EVA1A: variants seen among roughly 807,000 people sequenced by gnomAD.
EVA1A encodes eva-1 homolog A, regulator of programmed cell death, also known as protein eva-1 homolog A.
EVA1A carries 7 observed loss-of-function variants against 9.8 expected under a neutral mutation model. The ratio of observed to expected loss-of-function variants is 0.71; its 90% CI spans 0.41 to 1.34. The LOEUF is 1.34. EVA1A is among the 40% of genes most tolerant of loss of function. The pLI is 0.01. For synonymous variants in EVA1A, 90 were observed against 85.6 expected (o/e 1.05, Z -0.28); for missense variants, 206 against 205.9 (o/e 1.00, Z 0.00).
chr2:75,517,943 T>G, intron 3 of EVA1A, 113 bp downstream of exon 3: 1 of 1,239,580 alleles, frequency 8.1e-7, no homozygotes, highest in Non-Finnish European at 1.2e-6. Context: ...AGCAGTAGCT[T>G]TGATTACGTA....
intron 1 of EVA1A, among the ~76,000 whole-genome samples, chr2:75,547,318 G>A (rs1676372160): frequency 6.6e-6 from 1 of 152,184 alleles, no homozygotes; most frequent in Non-Finnish European, 1.5e-5. Context: ...GAATGGTACA[G>A]GCTTTGACAC....
At chr2:75,566,216 G>A (rs1055965279) in intron 1 of EVA1A, among the ~76,000 whole-genome samples, 3 of 152,166 alleles carry the variant, frequency 2.0e-5, no homozygotes, top group African/African-American at 7.2e-5. Context: ...CTTATTTATA[G>A]TCCAACCTTT....
upstream of EVA1A, among the ~76,000 whole-genome samples, chr2:75,564,479 C>T (rs541276131): frequency 6.6e-6 from 1 of 152,286 alleles, no homozygotes; most frequent in African/African-American, 2.4e-5. Context: ...GCTCCCATGG[C>T]GCTGGTGGTC....
chr2:75,505,068 T>C (rs547999654), intron 3 of EVA1A, among the ~76,000 whole-genome samples: 7 of 152,292 alleles, frequency 4.6e-5, no homozygotes, highest in African/African-American at 1.7e-4. Context: ...CTGGCTCACT[T>C]TTCTTCCCCT....
intron 3 of EVA1A, among the ~76,000 whole-genome samples, chr2:75,516,144 C>T (rs1233950121): frequency 6.6e-6 from 1 of 152,210 alleles, no homozygotes; most frequent in East Asian, 1.9e-4. Flanking sequence ...AGGACATTTT[C>T]CACAATTTTC....
chr2:75,527,811 T>C (rs1675504630), intron 1 of EVA1A, among the ~76,000 whole-genome samples: 1 of 152,126 alleles, frequency 6.6e-6, no homozygotes, highest in South Asian at 2.1e-4. Context: ...GAAATTTTGC[T>C]CCAAGAACCA....
chr2:75,535,562 G>T (rs916902976), intron 1 of EVA1A, among the ~76,000 whole-genome samples: 4 of 152,152 alleles, frequency 2.6e-5, no homozygotes, highest in Non-Finnish European at 4.4e-5. Flanking sequence ...AATGAATAAA[G>T]AAAATGTGAT....
rs541093312 is a variant in EVA1A at position 75,560,093 on chromosome 2, G to T, written c.-192+587C>A. Among the ~76,000 whole-genome samples the T allele has an allele frequency of 6.1e-3, 933 of 152,250 alleles. 11 individuals are homozygous for T. The highest frequency in any genetic ancestry group is 0.027 in the South Asian group (132 of 4,812). On this transcript the variant is annotated intron_variant, in intron 1 of 3. Transcript: ENST00000393913. ...GCAGACCTCCCAGATAGAGCAGCGT[G>T]GACTGTCTGCGCGCCCCTCTCCAAA... is the stretch of plus-strand genomic sequence containing the variant.
At chr2:75,553,867 C>G (rs1676610525) in intron 1 of EVA1A, among the ~76,000 whole-genome samples, 1 of 152,202 alleles carries the variant, frequency 6.6e-6, no homozygotes, top group Non-Finnish European at 1.5e-5. Flanking sequence ...TGACTCTCCT[C>G]CAGTGCTCAT....
At chr2:75,499,819 T>G (rs896767356) in intron 3 of EVA1A, among the ~76,000 whole-genome samples, 2 of 152,260 alleles carry the variant, frequency 1.3e-5, no homozygotes, top group Admixed American at 1.3e-4. Flanking sequence ...TCCCTGTTGG[T>G]CTAAAAGGGC....
At chr2:75,544,114 A>C (rs1049301757) in intron 1 of EVA1A, among the ~76,000 whole-genome samples, 4 of 152,212 alleles carry the variant, frequency 2.6e-5, no homozygotes, top group Non-Finnish European at 4.4e-5. Context: ...AAAACCATGA[A>C]TATGTTTGAA....
At chr2:75,566,171 C>T (rs1470251060) in intron 1 of EVA1A, among the ~76,000 whole-genome samples, 1 of 152,190 alleles carries the variant, frequency 6.6e-6, no homozygotes, top group Non-Finnish European at 1.5e-5. Flanking sequence ...CTACTAACAT[C>T]GCCTAGACAC....
At chr2:75,539,158 A>T (rs1332643960) in intron 1 of EVA1A, among the ~76,000 whole-genome samples, 1 of 152,206 alleles carries the variant, frequency 6.6e-6, no homozygotes, top group Non-Finnish European at 1.5e-5. Flanking sequence ...TATTGATCTA[A>T]AAGTTCAACC....
At chr2:75,559,273 A>T (rs1048095448) in intron 1 of EVA1A, among the ~76,000 whole-genome samples, 1 of 152,248 alleles carries the variant, frequency 6.6e-6, no homozygotes, top group African/African-American at 2.4e-5. Flanking sequence ...TGACAGCCAA[A>T]TATGTCTCCA....
chr2:75,524,912 T>C lies in EVA1A; in HGVS notation c.-191-2425A>G, dbSNP rs1572965998. Among the ~76,000 whole-genome samples, 4 of 151,800 alleles carry C rather than the reference T, an allele frequency of 2.6e-5. No homozygotes were observed. The East Asian group carries it at 7.7e-4, about 29-fold the overall frequency. Reference sequence around the variant, plus strand: ...TAAATAGGTAGGCAGATAGATGGATTGATAGATAGACAGGTAGGTAGATAA... The same window carrying C: ...TAAATAGGTAGGCAGATAGATGGATCGATAGATAGACAGGTAGGTAGATAA... On this transcript the variant is annotated intron_variant, in intron 1 of 3. Transcript: ENST00000393913.
At chr2:75,498,829 T>C (rs1674308401) in intron 3 of EVA1A, among the ~76,000 whole-genome samples, 1 of 152,020 alleles carries the variant, frequency 6.6e-6, no homozygotes, top group Non-Finnish European at 1.5e-5. Flanking sequence ...AAAGATGGTC[T>C]TCTCAGACTC....
At chr2:75,534,048 G>A (rs139485847) in intron 1 of EVA1A, among the ~76,000 whole-genome samples, 2,972 of 151,926 alleles carry the variant, frequency 0.02, 94 homozygotes, top group African/African-American at 0.069. Context: ...TCCTGACTTC[G>A]TGATCCTCCC....
intron 3 of EVA1A, among the ~76,000 whole-genome samples, chr2:75,501,234 A>T (rs1558670923): frequency 1.3e-5 from 2 of 151,994 alleles, no homozygotes; most frequent in African/African-American, 4.8e-5. Context: ...CCCTTAGTGA[A>T]TTTTTTCCAA....
At chr2:75,556,835 C>T (rs1406699758) in intron 1 of EVA1A, among the ~76,000 whole-genome samples, 1 of 152,132 alleles carries the variant, frequency 6.6e-6, no homozygotes, top group Admixed American at 6.5e-5. Context: ...AGGGTTCATG[C>T]TCCTATGAGA....
Sources: gnomAD v4.1 joint callset for allele counts (sites outside exome capture counted in the v4.1 genomes callset) on GRCh38, gnomAD v4.1.1 for gene constraint, MANE v1.5 for transcripts, NCBI Gene and HGNC (gene_info 2026-07-23, HGNC 2026-07-21) for gene names.